NELL1: variants seen among roughly 807,000 people sequenced by gnomAD.
NELL1 encodes the protein protein kinase C-binding protein NELL1.
NELL1 carries 76 observed loss-of-function variants against 107.4 expected under a neutral mutation model. The ratio of observed to expected loss-of-function variants is 0.71; its 90% CI spans 0.59 to 0.86. The LOEUF is 0.86. NELL1 is among the 40% of genes least tolerant of loss of function. The pLI, the probability that NELL1 is intolerant of heterozygous loss-of-function variation, is 0.00. For synonymous variants in NELL1, 353 were observed against 341.2 expected (o/e 1.03, Z -0.38); for missense variants, 1,024 against 1,005.5 (o/e 1.02, Z -0.25).
At chr11:21,288,986 C>T (rs1849191915) in intron 14 of NELL1, among the ~76,000 whole-genome samples, 1 of 152,152 alleles carries the variant, frequency 6.6e-6, no homozygotes, top group Non-Finnish European at 1.5e-5. Context: ...AGGCTGTAGA[C>T]CTCTTAAGGC....
chr11:20,928,503 C>T (rs375353152), intron 9 of NELL1, 24 bp downstream of exon 9: 2 of 1,545,252 alleles, frequency 1.3e-6, no homozygotes, highest in Non-Finnish European at 1.8e-6. Context: ...GAGGGTCAGA[C>T]TGGCTGTCTG....
intron 13 of NELL1, among the ~76,000 whole-genome samples, chr11:21,126,972 G>A (rs1489207378): frequency 6.6e-6 from 1 of 152,222 alleles, no homozygotes; most frequent in Admixed American, 6.5e-5. Context: ...AATGTGCTCT[G>A]TTAGCTCCCT....
At chr11:21,496,363 C>A (rs1854978551) in intron 15 of NELL1, among the ~76,000 whole-genome samples, 1 of 143,974 alleles carries the variant, frequency 6.9e-6, no homozygotes, top group Non-Finnish European at 1.5e-5. Flanking sequence ...ATAGGAGTTT[C>A]TTTTTTCAAT....
At chr11:21,385,022 T>C (rs1443327962) in intron 15 of NELL1, among the ~76,000 whole-genome samples, 1 of 151,976 alleles carries the variant, frequency 6.6e-6, no homozygotes, top group Non-Finnish European at 1.5e-5. Context: ...TTCCCTCAGA[T>C]ATTTTCACTG....
intron 12 of NELL1, among the ~76,000 whole-genome samples, chr11:20,963,364 G>A (rs138650599): frequency 0.01 from 1,533 of 152,168 alleles, 22 homozygotes; most frequent in African/African-American, 0.035. Context: ...CTTCTAGACC[G>A]ATGTTTGAGA....
At chr11:21,448,158 G>A (rs978938524) in intron 15 of NELL1, among the ~76,000 whole-genome samples, 2 of 152,124 alleles carry the variant, frequency 1.3e-5, no homozygotes, top group African/African-American at 4.8e-5. Flanking sequence ...TTAAAATCAG[G>A]TACTGTGATT....
rs113173566 is a variant in NELL1, at chr11:21,099,559, G to A, written c.1301-14030G>A. 5.2e-3 allele frequency among the ~76,000 whole-genome samples: 785 copies of A among 152,222 alleles called. 9 individuals are homozygous for A. Among genetic ancestry groups the A allele is most frequent in the African/African-American group, 0.018 (757 of 41,534 alleles). On this transcript the variant is annotated intron_variant, in intron 12 of 19. Transcript: ENST00000357134. The stretch of plus-strand genomic sequence containing the variant: ...AAAGCCCAGTAACCTGTCAAGAATG[G>A]CTTCCTTTGAACCAAAAAAATGAGA...
intron 15 of NELL1, among the ~76,000 whole-genome samples, chr11:21,398,443 A>G (rs900817600): frequency 1.3e-5 from 2 of 151,726 alleles, no homozygotes; most frequent in African/African-American, 4.8e-5. Flanking sequence ...CTTTATAGAA[A>G]GTTTCTGGAG....
chr11:21,476,023 A>G (rs1854324209), intron 15 of NELL1, among the ~76,000 whole-genome samples: 1 of 152,200 alleles, frequency 6.6e-6, no homozygotes, highest in Non-Finnish European at 1.5e-5. Flanking sequence ...ACATCATCTG[A>G]GTTGTACATG....
rs534514911 is a variant in NELL1 at position 21,000,266 on chromosome 11, A to T, written c.1300+39706A>T. ...TGTACCCTAAAACTTAAAGTATAAT[A>T]AAAAAAAAAAGAATCTTAATCCAGT... On this transcript the variant is annotated intron_variant, in intron 12 of 19. Coordinates refer to ENST00000357134, the MANE Select transcript of NELL1 (RefSeq NM_006157.5). Among the ~76,000 whole-genome samples, 422 of 81,168 alleles carry T rather than the reference A, an allele frequency of 5.2e-3. 1 individual carries two copies. Among genetic ancestry groups the T allele is most frequent in the Non-Finnish European group, 7.4e-3 (348 of 47,346 alleles). 53.2% of individuals were successfully genotyped at this position (81,168 alleles called of 152,430 possible).
chr11:21,075,112 G>A (rs538711342), intron 12 of NELL1, among the ~76,000 whole-genome samples: 64 of 152,184 alleles, frequency 4.2e-4, no homozygotes, highest in Non-Finnish European at 8.2e-4. Context: ...ATGGCAAGAG[G>A]CATAAAATAT....
At chr11:20,687,754 G>A (rs1854343918) in intron 2 of NELL1, among the ~76,000 whole-genome samples, 1 of 151,928 alleles carries the variant, frequency 6.6e-6, no homozygotes, top group Non-Finnish European at 1.5e-5. Flanking sequence ...ACCACACCCA[G>A]CTAATTTTTT....
intron 4 of NELL1, among the ~76,000 whole-genome samples, chr11:20,880,406 T>C (rs1564947602): frequency 6.6e-6 from 1 of 152,194 alleles, no homozygotes; most frequent in Non-Finnish European, 1.5e-5. Flanking sequence ...TTAATCCTCA[T>C]GACAATCCAT....
At chr11:21,570,346 G>A (rs149568228) in intron 17 of NELL1, among the ~76,000 whole-genome samples, 4 of 151,818 alleles carry the variant, frequency 2.6e-5, no homozygotes, top group East Asian at 2.0e-4. Flanking sequence ...TTCCTTTCAC[G>A]GTTGGGACAG....
chr11:21,468,760 G>A (rs186222747), intron 15 of NELL1, among the ~76,000 whole-genome samples: 143 of 152,088 alleles, frequency 9.4e-4, no homozygotes, highest in African/African-American at 3.2e-3. Context: ...GAGCCATGAT[G>A]CCTTGTAGGT....
intron 14 of NELL1, among the ~76,000 whole-genome samples, chr11:21,320,896 G>T (rs1849994505): frequency 6.6e-6 from 1 of 152,100 alleles, no homozygotes; most frequent in African/African-American, 2.4e-5. Flanking sequence ...GTGGTTTATT[G>T]ACCAAGTTAA....
At chr11:21,384,758 C>T in intron 15 of NELL1, among the ~76,000 whole-genome samples, 1 of 151,970 alleles carries the variant, frequency 6.6e-6, no homozygotes, top group East Asian at 2.0e-4. Context: ...CATCCATGTC[C>T]CTACAAAGGA....
intron 15 of NELL1, among the ~76,000 whole-genome samples, chr11:21,465,930 T>C (rs1020051388): frequency 6.6e-6 from 1 of 152,050 alleles, no homozygotes. Context: ...GGCTGTGCAA[T>C]TGACCTTGCC....
At chr11:20,848,583 C>T (rs1848742866) in intron 4 of NELL1, among the ~76,000 whole-genome samples, 2 of 152,120 alleles carry the variant, frequency 1.3e-5, no homozygotes, top group African/African-American at 4.8e-5. Context: ...AGTGCCCATG[C>T]ATTGTTGATT....
Sources: gnomAD v4.1 joint callset for allele counts (sites outside exome capture counted in the v4.1 genomes callset) on GRCh38, gnomAD v4.1.1 for gene constraint, MANE v1.5 for transcripts, NCBI Gene and HGNC (gene_info 2026-07-23, HGNC 2026-07-21) for gene names.